The following PRKCE variants were observed in gnomAD, a reference collection of about 807,000 sequenced individuals.
PRKCE encodes protein kinase C epsilon.
PRKCE carries 16 observed loss-of-function variants against 85.4 expected under a neutral mutation model. The observed-to-expected ratio is 0.19, with a 90% CI of 0.13 to 0.28. The LOEUF (loss-of-function observed/expected upper bound fraction) is 0.28. Among genes scored for constraint, PRKCE ranks in the 10% least tolerant of loss-of-function variants. PRKCE has a pLI of 1.00. For synonymous variants in PRKCE, 388 were observed against 371.5 expected (o/e 1.04, Z -0.51); for missense variants, 573 against 975.2 (o/e 0.59, Z 5.49).
chr2:45,976,669 C>G, intron 3 of PRKCE, 81 bp downstream of exon 3: 1 of 1,474,896 alleles, frequency 6.8e-7, no homozygotes, highest in Non-Finnish European at 9.2e-7. Context: ...GACTATGCAC[C>G]TCATTTAAAG....
intron 11 of PRKCE, among the ~76,000 whole-genome samples, chr2:46,101,698 A>G (rs939436638): frequency 3.3e-5 from 5 of 152,238 alleles, no homozygotes; most frequent in Non-Finnish European, 5.9e-5. Context: ...GTGGGAGAAA[A>G]CTTGGGAGTT....
chr2:45,891,321 T>A (rs1695705950), intron 2 of PRKCE, among the ~76,000 whole-genome samples: 1 of 147,604 alleles, frequency 6.8e-6, no homozygotes, highest in African/African-American at 2.6e-5. Flanking sequence ...CTCAAGGAAC[T>A]TTTTGGAAGC....
chr2:45,829,875 C>T (rs1690261928), intron 1 of PRKCE, among the ~76,000 whole-genome samples: 1 of 151,672 alleles, frequency 6.6e-6, no homozygotes, highest in Admixed American at 6.6e-5. Context: ...AGATCGAGAC[C>T]ATCCTGGCTA....
intron 2 of PRKCE, among the ~76,000 whole-genome samples, chr2:45,843,882 G>A (rs1691565111): frequency 6.6e-6 from 1 of 152,212 alleles, no homozygotes; most frequent in Non-Finnish European, 1.5e-5. Context: ...CCATGGCAGG[G>A]ATATTGGAAG....
At chr2:45,877,032 C>T (rs1039925000) in intron 2 of PRKCE, among the ~76,000 whole-genome samples, 1 of 152,164 alleles carries the variant, frequency 6.6e-6, no homozygotes, top group East Asian at 1.9e-4. Context: ...TAAAGTTAAC[C>T]AGAACTTTTA....
intron 1 of PRKCE, among the ~76,000 whole-genome samples, chr2:45,662,922 C>T (rs970427065): frequency 6.6e-6 from 1 of 152,154 alleles, no homozygotes; most frequent in Non-Finnish European, 1.5e-5. Context: ...GTGTATGAAC[C>T]TATCTCCCTG....
chr2:45,870,691 C>T (rs1016890822), intron 2 of PRKCE, among the ~76,000 whole-genome samples: 2 of 152,146 alleles, frequency 1.3e-5, no homozygotes, highest in African/African-American at 4.8e-5. Context: ...GAGCCAGACA[C>T]AGTTTGTTCA....
intron 2 of PRKCE, among the ~76,000 whole-genome samples, chr2:45,886,894 A>G (rs974392650): frequency 3.9e-5 from 6 of 152,218 alleles, no homozygotes; most frequent in African/African-American, 1.2e-4. Context: ...ATTCTTCACT[A>G]GAATAGTTTT....
At chr2:46,071,398 A>G (rs4952798) in intron 10 of PRKCE, among the ~76,000 whole-genome samples, 67,198 of 152,104 alleles carry the variant, frequency 0.44, 17,871 homozygotes, top group Non-Finnish European at 0.57. Flanking sequence ...GGCAGCTACA[A>G]TAAAGACACC....
Position 45,806,475 on chromosome 2 carries a change from A to G in PRKCE, c.349-36525A>G, listed in dbSNP as rs72799997. Among the ~76,000 whole-genome samples the G allele has an allele frequency of 5.5e-3, 833 of 152,348 alleles. 3 individuals carry two copies. Among genetic ancestry groups the G allele is most frequent in the Non-Finnish European group, 6.5e-3 (443 of 68,030 alleles). ...ATCTTACTCGTTTTTAAGTGCACAG[A>G]TCAGCGGCATTAAGTCCGTTCACAT... On this transcript the variant is annotated intron_variant, in intron 1 of 14. Transcript: ENST00000306156.
chr2:46,007,196 G>A (rs1705280690), intron 8 of PRKCE, among the ~76,000 whole-genome samples: 1 of 152,216 alleles, frequency 6.6e-6, no homozygotes, highest in Non-Finnish European at 1.5e-5. Context: ...GAGACAGCCA[G>A]GTCCAGTGTA....
chr2:46,111,142 G>A (rs2104222224), intron 11 of PRKCE, among the ~76,000 whole-genome samples: 1 of 152,216 alleles, frequency 6.6e-6, no homozygotes, highest in Admixed American at 6.5e-5. Context: ...GCAAGCTTGA[G>A]AAGAATGTGA....
At chr2:46,070,246 A>G (rs1167396083) in intron 10 of PRKCE, among the ~76,000 whole-genome samples, 2 of 152,208 alleles carry the variant, frequency 1.3e-5, no homozygotes, top group Non-Finnish European at 2.9e-5. Flanking sequence ...GAGACTTGAG[A>G]CCACCTCTAT....
intron 2 of PRKCE, among the ~76,000 whole-genome samples, chr2:45,915,098 A>T (rs1056091797): frequency 2.6e-5 from 4 of 152,174 alleles, no homozygotes; most frequent in Admixed American, 2.6e-4. Context: ...CATGTTGGCC[A>T]GGCTGGTCTC....
chr2:46,008,756 C>T (rs905538029), intron 9 of PRKCE, among the ~76,000 whole-genome samples: 1 of 152,208 alleles, frequency 6.6e-6, no homozygotes, highest in Non-Finnish European at 1.5e-5. Context: ...AAGAGGTCCT[C>T]TGGTTAGGCA....
intron 1 of PRKCE, among the ~76,000 whole-genome samples, chr2:45,841,156 TAGTC>T (rs984953761): frequency 6.6e-6 from 1 of 152,196 alleles, no homozygotes; most frequent in Non-Finnish European, 1.5e-5. Context: ...GGAGCTGTAT[TAGTC>T]AGTGTTCTCT....
In PRKCE at chr2:45,652,376, C is replaced by T. The variant is rs1675162992; in HGVS notation, c.276C>T (p.Asp92=). ...TTCACGATGCCCCCATAGGCTACGA[C>T]GACTTCGTGGCCAACTGCACCATCC... ...AVFHDAPIGY[D]DFVANCTIQF... Residue 92 remains aspartate (D), a synonymous_variant, in exon 1 of 15, where the codon GAC becomes GAT. Coordinates refer to ENST00000306156, the MANE Select transcript of PRKCE (RefSeq NM_005400.3). This position sits in a 1 kb window ranked among gnomAD's most constrained non-coding sequence, Gnocchi z 7.7. 1.2e-6 allele frequency: 2 copies of T among 1,613,184 alleles called. No individual in the cohort carries two copies. The highest frequency in any genetic ancestry group is 2.7e-5 in the African/African-American group (2 of 74,904).
chr2:45,741,959 T>TA (rs1324034813), intron 1 of PRKCE, among the ~76,000 whole-genome samples: 1 of 152,196 alleles, frequency 6.6e-6, no homozygotes, highest in Non-Finnish European at 1.5e-5. Flanking sequence ...CTGTGTGTCC[T>TA]ATGCTGCAAG....
At chr2:45,737,828 G>A (rs1682212248) in intron 1 of PRKCE, among the ~76,000 whole-genome samples, 1 of 152,112 alleles carries the variant, frequency 6.6e-6, no homozygotes, top group Admixed American at 6.5e-5. Flanking sequence ...ACATTGCCAA[G>A]TGCTTCTTGG....
Sources: gnomAD v4.1 joint callset for allele counts (sites outside exome capture counted in the v4.1 genomes callset) on GRCh38, gnomAD v4.1.1 for gene constraint, Gnocchi (gnomAD v3.1) non-coding constraint, MANE v1.5 for transcripts, NCBI Gene and HGNC (gene_info 2026-07-23, HGNC 2026-07-21) for gene names.